Variants in NRG1 observed in about 807,000 individuals in gnomAD.
The protein encoded by NRG1 is pro-neuregulin-1, membrane-bound isoform.
In NRG1, 18 loss-of-function variants were observed where a neutral mutation model predicts 63.8. That is an observed-to-expected ratio of 0.28 (90% CI 0.19 to 0.42). The LOEUF (loss-of-function observed/expected upper bound fraction) is 0.42. NRG1 is among the 10% of genes least tolerant of loss of function. NRG1 has a pLI of 1.00. For synonymous variants in NRG1, 302 were observed against 301.3 expected (o/e 1.00, Z -0.02); for missense variants, 762 against 814.7 (o/e 0.94, Z 0.79).
At chr8:32,079,194 C>A (rs940575947) in intron 1 of NRG1, among the ~76,000 whole-genome samples, 1 of 150,138 alleles carries the variant, frequency 6.7e-6, no homozygotes, top group Non-Finnish European at 1.5e-5. Context: ...CACGCACATA[C>A]AAGGGGTCAT....
chr8:32,216,132 G>A (rs1845199954), intron 1 of NRG1, among the ~76,000 whole-genome samples: 1 of 150,672 alleles, frequency 6.6e-6, no homozygotes. Flanking sequence ...TTATGGAAAT[G>A]TATATATTAT....
intron 1 of NRG1, among the ~76,000 whole-genome samples, chr8:32,501,513 T>G (rs1378034418): frequency 1.3e-5 from 2 of 152,182 alleles, no homozygotes; most frequent in Admixed American, 6.5e-5. Context: ...CAGAGTCAAT[T>G]CAAGGTCAAG....
intron 5 of NRG1, among the ~76,000 whole-genome samples, chr8:32,676,760 G>A (rs1028018830): frequency 6.6e-6 from 1 of 152,112 alleles, no homozygotes; most frequent in Non-Finnish European, 1.5e-5. Context: ...CGTAGTCAGT[G>A]CAGTCATCCC....
At chr8:32,614,516 A>C in exon 4 of NRG1, 1 of 1,611,328 alleles carries the variant, frequency 6.2e-7, no homozygotes, top group East Asian at 2.2e-5. Context: ...TTTTTCAGAG[A>C]TCATCACTGG....
intron 3 of NRG1, among the ~76,000 whole-genome samples, chr8:32,608,092 G>GTTTTGTTTTGTTTTTTTTTT (rs1845594606): frequency 9.4e-6 from 1 of 106,154 alleles, no homozygotes; most frequent in Non-Finnish European, 2.0e-5. Flanking sequence ...GGTTTTTTTT[G>GTTTTGTTTTGTTTTTTTTTT]TTTTTTTTTT....
chr8:31,650,950 A>AC (rs1479398391), intron 1 of NRG1, among the ~76,000 whole-genome samples: 3 of 152,186 alleles, frequency 2.0e-5, no homozygotes, highest in African/African-American at 7.2e-5. Flanking sequence ...CGAGAAGGTA[A>AC]AATGCTTTTC....
chr8:31,967,920 A>G (rs774881536), intron 1 of NRG1, among the ~76,000 whole-genome samples: 18 of 152,206 alleles, frequency 1.2e-4, no homozygotes, highest in Non-Finnish European at 2.4e-4. Flanking sequence ...GAACATCTCT[A>G]TGAAAAAAAT....
chr8:32,751,517 A>G (rs1371091983), intron 7 of NRG1, among the ~76,000 whole-genome samples: 5 of 152,202 alleles, frequency 3.3e-5, no homozygotes, highest in African/African-American at 1.2e-4. Context: ...CATTGTTTGT[A>G]TTATTTTTCA....
At chr8:32,264,705 T>G (rs1160882973) in intron 1 of NRG1, among the ~76,000 whole-genome samples, 1 of 152,168 alleles carries the variant, frequency 6.6e-6, no homozygotes, top group Non-Finnish European at 1.5e-5. Context: ...AAACTAATTG[T>G]GGCATTTAAC....
chr8:32,765,319 A>G (rs1230508574), exon 12 of NRG1: 1 of 152,122 alleles, frequency 6.6e-6, no homozygotes, highest in Non-Finnish European at 1.5e-5. Flanking sequence ...GAAGCTAGTG[A>G]TTGGTTGTGT....
At chr8:31,929,553 G>T (rs1345340555) in intron 1 of NRG1, among the ~76,000 whole-genome samples, 2 of 151,644 alleles carry the variant, frequency 1.3e-5, no homozygotes, top group African/African-American at 4.8e-5. Context: ...ATAATATTTT[G>T]CAATGGTGCA....
At position 32,325,175 on chromosome 8, in the gene NRG1, G is replaced by A. The variant is rs904616529; in HGVS notation, c.38-270653G>A. Among the ~76,000 whole-genome samples the A allele has an allele frequency of 3.3e-5, 5 of 152,236 alleles. No individual in the cohort carries two copies. The East Asian group carries it at 9.7e-4, about 29-fold the overall frequency. On this transcript the variant is annotated intron_variant, in intron 1 of 10. Coordinates refer to the NRG1 transcript ENST00000519301. ...AGGAGGCATGAGAAAACATCTTATT[G>A]AGGTTTTTAATCATCTTCTAGTGAA...
chr8:32,067,367 A>G (rs912662224), intron 1 of NRG1, among the ~76,000 whole-genome samples: 8 of 152,190 alleles, frequency 5.3e-5, no homozygotes, highest in Non-Finnish European at 1.0e-4. Flanking sequence ...CGTCCCATCA[A>G]TACCTAATTT....
At chr8:32,470,830 T>C (rs528284598) in intron 1 of NRG1, among the ~76,000 whole-genome samples, 9 of 152,238 alleles carry the variant, frequency 5.9e-5, no homozygotes, top group African/African-American at 1.4e-4. Flanking sequence ...AGTCAGGGTT[T>C]TGCTCTGTAA....
intron 1 of NRG1, among the ~76,000 whole-genome samples, chr8:32,097,281 T>A (rs1830018274): frequency 6.6e-6 from 1 of 152,248 alleles, no homozygotes; most frequent in Non-Finnish European, 1.5e-5. Context: ...TATACTGTTA[T>A]TGTGATTAGT....
At chr8:31,648,275 A>G (rs1166329960) in intron 1 of NRG1, among the ~76,000 whole-genome samples, 2 of 151,424 alleles carry the variant, frequency 1.3e-5, no homozygotes, top group Non-Finnish European at 2.9e-5. Flanking sequence ...CTGGGACTAC[A>G]GGCGCGCGCC....
chr8:32,626,086 G>A (rs75785348), intron 5 of NRG1, among the ~76,000 whole-genome samples: 3,380 of 151,976 alleles, frequency 0.022, 119 homozygotes, highest in African/African-American at 0.078. Flanking sequence ...TAGCCACTGC[G>A]CTTGGCCAAA....
At chr8:31,663,372 G>A (rs934755301) in intron 1 of NRG1, among the ~76,000 whole-genome samples, 1 of 152,214 alleles carries the variant, frequency 6.6e-6, no homozygotes, top group Non-Finnish European at 1.5e-5. Context: ...GAAGCCCAAA[G>A]AGTAGGGGAG....
chr8:32,059,450 T>A (rs1823498553), intron 1 of NRG1, among the ~76,000 whole-genome samples: 1 of 152,024 alleles, frequency 6.6e-6, no homozygotes, highest in African/African-American at 2.4e-5. Context: ...TTTTGAATTA[T>A]CCTCTTGTTT....
Sources: gnomAD v4.1 joint callset for allele counts (sites outside exome capture counted in the v4.1 genomes callset) on GRCh38, gnomAD v4.1.1 for gene constraint, MANE v1.5 for transcripts, NCBI Gene and HGNC (gene_info 2026-07-23, HGNC 2026-07-21) for gene names.